BCAR3: variants seen among roughly 807,000 people sequenced by gnomAD.
BCAR3 encodes the protein breast cancer anti-estrogen resistance protein 3.
Under a neutral mutation model 80.1 loss-of-function variants are expected in BCAR3, and 37 were observed. The observed-to-expected ratio is 0.46, with a 90% CI of 0.36 to 0.61. The LOEUF (loss-of-function observed/expected upper bound fraction) is 0.61, where lower values mean the gene tolerates loss of function less well. Ranked by LOEUF, BCAR3 falls within the 20% of genes least tolerant of loss-of-function variation. BCAR3 has a pLI of 0.00. For synonymous variants in BCAR3, 389 were observed against 418.9 expected (o/e 0.93, Z 0.87); for missense variants, 978 against 1,068.2 (o/e 0.92, Z 1.18).
At position 93,818,031 on chromosome 1, in the gene BCAR3, C is replaced by T. The variant is rs914037424; in HGVS notation, c.-63+27536G>A. ...CCTCCTTACCGGTGACGCACTGGTT[C>T]CCAGGGCCCCTGGTTTGAGTGTTAA... On this transcript the variant is annotated intron_variant, in intron 2 of 13. Transcript: ENST00000370244. 1.3e-5 allele frequency among the ~76,000 whole-genome samples: 2 copies of T among 152,200 alleles called. 1 individual carries two copies. Among genetic ancestry groups the T allele is most frequent in the African/African-American group, 4.8e-5 (2 of 41,444 alleles).
chr1:93,841,664 C>G (rs1421255060), intron 2 of BCAR3, among the ~76,000 whole-genome samples: 1 of 152,242 alleles, frequency 6.6e-6, no homozygotes, highest in African/African-American at 2.4e-5. Flanking sequence ...CTCTACCAGT[C>G]TAAGTCTTTC....
intron 9 of BCAR3, among the ~76,000 whole-genome samples, chr1:93,570,121 ATATAAT>A (rs1335288929): frequency 2.1e-4 from 32 of 152,308 alleles, no homozygotes; most frequent in African/African-American, 6.7e-4. Context: ...AGCTTCTGAA[ATATAAT>A]TAGAATTGAC....
intron 2 of BCAR3, among the ~76,000 whole-genome samples, chr1:93,664,403 G>A (rs1444992147): frequency 6.6e-6 from 1 of 152,214 alleles, no homozygotes; most frequent in Non-Finnish European, 1.5e-5. Context: ...ACAGGCGTGA[G>A]CCACCGCGCC....
intron 6 of BCAR3, among the ~76,000 whole-genome samples, chr1:93,583,463 C>A (rs187856309): frequency 6.6e-6 from 1 of 152,086 alleles, no homozygotes; most frequent in Non-Finnish European, 1.5e-5. Context: ...CTTTGTGGTC[C>A]CAGGGAAAGT....
At chr1:93,738,519 C>T (rs1651069971) in intron 2 of BCAR3, among the ~76,000 whole-genome samples, 1 of 152,246 alleles carries the variant, frequency 6.6e-6, no homozygotes, top group East Asian at 1.9e-4. Flanking sequence ...GGAAGGAATG[C>T]ACAGAGGTCC....
At chr1:93,590,227 C>G (rs142297094) in intron 4 of BCAR3, 2 of 152,324 alleles carry the variant, frequency 1.3e-5, no homozygotes, top group Non-Finnish European at 2.9e-5. Flanking sequence ...AAATAGTTAA[C>G]AAGCATGATG....
At chr1:93,776,427 T>C (rs1652552007) in intron 2 of BCAR3, among the ~76,000 whole-genome samples, 1 of 152,180 alleles carries the variant, frequency 6.6e-6, no homozygotes, top group African/African-American at 2.4e-5. Context: ...ACTCTCCCCT[T>C]TGTAAACATT....
chr1:93,641,919 G>A (rs2101909209), intron 3 of BCAR3, among the ~76,000 whole-genome samples: 1 of 152,208 alleles, frequency 6.6e-6, no homozygotes, highest in African/African-American at 2.4e-5. Context: ...AAAATCATTT[G>A]TCATCTATTT....
intron 1 of BCAR3, among the ~76,000 whole-genome samples, chr1:93,678,412 A>C (rs781402339): frequency 6.6e-6 from 1 of 152,214 alleles, no homozygotes; most frequent in African/African-American, 2.4e-5. Context: ...ACAAGACAGA[A>C]GTGGTCTGTC....
At chr1:93,796,950 G>A (rs996905815) in intron 2 of BCAR3, among the ~76,000 whole-genome samples, 17 of 152,254 alleles carry the variant, frequency 1.1e-4, no homozygotes, top group African/African-American at 4.1e-4. Context: ...TAGCTATACT[G>A]CATTATATTT....
At chr1:93,567,175 T>G (rs1672985509) in intron 11 of BCAR3, 104 bp downstream of exon 11, 1 of 1,371,096 alleles carries the variant, frequency 7.3e-7, no homozygotes, top group Non-Finnish European at 1.0e-6. Context: ...TCTTTAATCC[T>G]TCCTTTTTGG....
At chr1:93,723,672 G>A (rs988038801) in intron 2 of BCAR3, 1 of 152,132 alleles carries the variant, frequency 6.6e-6, no homozygotes, top group African/African-American at 2.4e-5. Context: ...AACAAGACTT[G>A]GGAGGTTGTT....
chr1:93,619,231 C>CCACT (rs1675237929), intron 3 of BCAR3, among the ~76,000 whole-genome samples: 1 of 151,946 alleles, frequency 6.6e-6, no homozygotes, highest in African/African-American at 2.4e-5. Flanking sequence ...CAGGCGTGAG[C>CCACT]CACTGTGCCC....
chr1:93,800,509 G>A (rs1025277248), intron 2 of BCAR3, among the ~76,000 whole-genome samples: 4 of 152,156 alleles, frequency 2.6e-5, no homozygotes, highest in African/African-American at 4.8e-5. Flanking sequence ...CCGGGAGGCA[G>A]AGGTTGCAGT....
At chr1:93,809,775 TAAAA>T (rs59236584) in intron 2 of BCAR3, among the ~76,000 whole-genome samples, 1 of 55,526 alleles carries the variant, frequency 1.8e-5, no homozygotes, top group Non-Finnish European at 3.6e-5. Context: ...CTCAAAAAGA[TAAAA>T]AAAAAAAAAA....
intron 2 of BCAR3, among the ~76,000 whole-genome samples, chr1:93,655,920 C>CACT (rs1647359322): frequency 6.6e-6 from 1 of 152,248 alleles, no homozygotes; most frequent in South Asian, 2.1e-4. Flanking sequence ...GCTGTGCAGA[C>CACT]ACTAGTTAAG....
chr1:93,699,770 T>C (rs111350785), intron 3 of BCAR3, among the ~76,000 whole-genome samples: 2,409 of 152,182 alleles, frequency 0.016, 28 homozygotes, highest in Non-Finnish European at 0.024. Context: ...TATTATGTAA[T>C]AGCCAAGCAC....
At chr1:93,701,803 C>G (rs1198686792) in intron 3 of BCAR3, among the ~76,000 whole-genome samples, 1 of 152,202 alleles carries the variant, frequency 6.6e-6, no homozygotes, top group African/African-American at 2.4e-5. Flanking sequence ...CCAGGTGACT[C>G]ACCAGGCAGG....
At chr1:93,581,471 T>C (rs1165948560) in intron 7 of BCAR3, among the ~76,000 whole-genome samples, 1 of 151,902 alleles carries the variant, frequency 6.6e-6, no homozygotes, top group African/African-American at 2.4e-5. Flanking sequence ...AGTGTGATGG[T>C]GCAATCTCAG....
Sources: allele counts gnomAD v4.1 joint callset (sites outside exome capture counted in the v4.1 genomes callset), GRCh38; gene constraint gnomAD v4.1.1; transcripts MANE v1.5; gene names NCBI Gene and HGNC (gene_info 2026-07-23, HGNC 2026-07-21).